LRRC4C: variants seen among roughly 807,000 people sequenced by gnomAD.
LRRC4C encodes leucine-rich repeat-containing protein 4C.
Under a neutral mutation model 33.6 loss-of-function variants are expected in LRRC4C, and 5 were observed. That is an observed-to-expected ratio of 0.15 (90% confidence interval 0.08 to 0.31). LRRC4C has a LOEUF of 0.31. Ranked by LOEUF, LRRC4C falls within the 10% of genes least tolerant of loss-of-function variation. LRRC4C has a pLI of 1.00. For synonymous variants in LRRC4C, 329 were observed against 302.0 expected (o/e 1.09, Z -0.93); for missense variants, 560 against 796.7 (o/e 0.70, Z 3.58).
At chr11:41,379,468 T>A (rs1953062037) in intron 1 of LRRC4C, among the ~76,000 whole-genome samples, 1 of 152,144 alleles carries the variant, frequency 6.6e-6, no homozygotes, top group African/African-American at 2.4e-5. Flanking sequence ...AGCAGTGAAG[T>A]TGACTGATTG....
chr11:41,413,216 A>C (rs1414033577), intron 1 of LRRC4C, among the ~76,000 whole-genome samples: 1 of 152,104 alleles, frequency 6.6e-6, no homozygotes, highest in Non-Finnish European at 1.5e-5. Context: ...ACATTCTCAA[A>C]AGATTTTTTC....
chr11:40,777,379 A>T (rs142410719), intron 2 of LRRC4C, among the ~76,000 whole-genome samples: 185 of 152,098 alleles, frequency 1.2e-3, no homozygotes, highest in Middle Eastern at 6.8e-3. Flanking sequence ...AACTAGAAAT[A>T]CTTGTTTTAT....
intron 5 of LRRC4C, among the ~76,000 whole-genome samples, chr11:40,170,633 A>C (rs1283030947): frequency 6.6e-6 from 1 of 152,234 alleles, no homozygotes; most frequent in African/African-American, 2.4e-5. Flanking sequence ...TGTCTTGCTC[A>C]AATCTTGAGA....
intron 3 of LRRC4C, among the ~76,000 whole-genome samples, chr11:40,400,619 C>T (rs1290532117): frequency 1.3e-5 from 2 of 152,094 alleles, no homozygotes; most frequent in Non-Finnish European, 2.9e-5. Flanking sequence ...TCTTGCCATT[C>T]TTTCCCCTTA....
At chr11:40,862,484 T>C (rs989875685) in intron 2 of LRRC4C, among the ~76,000 whole-genome samples, 3 of 152,226 alleles carry the variant, frequency 2.0e-5, no homozygotes, top group Non-Finnish European at 2.9e-5. Flanking sequence ...AATCCAAATA[T>C]GCTTCTGTGG....
At chr11:41,099,816 T>C (rs1941052055) in intron 1 of LRRC4C, among the ~76,000 whole-genome samples, 1 of 152,020 alleles carries the variant, frequency 6.6e-6, no homozygotes, top group Non-Finnish European at 1.5e-5. Flanking sequence ...CTATTCTACA[T>C]AGTATTGGAA....
chr11:40,503,582 A>G lies in LRRC4C; in HGVS notation c.-270+144560T>C, dbSNP rs72899041. ...TACCAAAGCTTCAGTCTTTCAATCT[A>G]TTTAAAGCTTCTTAACTCGCTATCA... is the stretch of plus-strand genomic sequence containing the variant. On this transcript the variant is annotated intron_variant, in intron 3 of 6. Transcript: ENST00000528697. 3.6e-3 allele frequency among the ~76,000 whole-genome samples: 543 copies of G among 152,306 alleles called. 2 individuals are homozygous for G. The highest frequency in any genetic ancestry group is 6.0e-3 in the Non-Finnish European group (406 of 68,024).
intron 1 of LRRC4C, among the ~76,000 whole-genome samples, chr11:41,050,873 T>C (rs1399221198): frequency 6.6e-6 from 1 of 152,186 alleles, no homozygotes; most frequent in Admixed American, 6.5e-5. Context: ...TAATGGATTC[T>C]AGAGGTTTTC....
intron 1 of LRRC4C, among the ~76,000 whole-genome samples, chr11:41,443,288 A>C (rs1161765872): frequency 6.6e-6 from 1 of 152,038 alleles, no homozygotes; most frequent in Non-Finnish European, 1.5e-5. Flanking sequence ...CAAGAGGATC[A>C]CTTGAGCTCA....
intron 1 of LRRC4C, among the ~76,000 whole-genome samples, chr11:41,316,276 A>AAC (rs1193470891): frequency 5.3e-5 from 8 of 150,194 alleles, no homozygotes; most frequent in Non-Finnish European, 1.0e-4. Context: ...AAAAAAAAAA[A>AAC]AAACAAAAAA....
intron 1 of LRRC4C, among the ~76,000 whole-genome samples, chr11:41,065,716 G>A (rs961213627): frequency 6.6e-6 from 1 of 152,180 alleles, no homozygotes; most frequent in African/African-American, 2.4e-5. Context: ...CCGGAGGAAA[G>A]AGCAGGTAGC....
rs1424601029 is a variant in LRRC4C, at chr11:40,326,061, C to A, written c.-269-6340G>T. On this transcript the variant is annotated intron_variant, in intron 3 of 6. Transcript: ENST00000528697. ...CTGCTGAAAGGTGGCATTTGGAAAA[C>A]CTAAAAAAAAAAAAAAAAGGTGGAA... 2.7e-3 allele frequency among the ~76,000 whole-genome samples: 371 copies of A among 138,118 alleles called. 3 individuals carry two copies. The highest frequency in any genetic ancestry group is 8.6e-3 in the African/African-American group (317 of 36,920). 90.6% of individuals were successfully genotyped at this position (138,118 alleles called of 152,430 possible).
intron 1 of LRRC4C, among the ~76,000 whole-genome samples, chr11:41,033,729 A>C (rs1856861314): frequency 6.6e-6 from 1 of 152,092 alleles, no homozygotes. Context: ...ACATCTTATC[A>C]ATCACATTAA....
At chr11:40,285,645 G>T (rs939475863) in intron 4 of LRRC4C, among the ~76,000 whole-genome samples, 8 of 152,104 alleles carry the variant, frequency 5.3e-5, no homozygotes, top group African/African-American at 1.7e-4. Flanking sequence ...GGCATACTTG[G>T]AAATGACTGA....
chr11:40,492,425 T>C (rs1383556762), intron 3 of LRRC4C, among the ~76,000 whole-genome samples: 1 of 152,136 alleles, frequency 6.6e-6, no homozygotes, highest in Admixed American at 6.6e-5. Context: ...TTTTAAATAG[T>C]TTTGGAGTAA....
intron 5 of LRRC4C, among the ~76,000 whole-genome samples, chr11:40,165,726 A>G (rs148945313): frequency 2.0e-5 from 3 of 152,298 alleles, no homozygotes; most frequent in Admixed American, 2.0e-4. Flanking sequence ...TGGGTGGATC[A>G]CCTGAGGTCG....
At chr11:40,585,478 T>G (rs1424487289) in intron 3 of LRRC4C, among the ~76,000 whole-genome samples, 2 of 148,138 alleles carry the variant, frequency 1.4e-5, no homozygotes, top group Admixed American at 1.3e-4. Context: ...TGTTATTTCT[T>G]TTTTTTTTTA....
At chr11:40,718,594 G>C (rs1946847919) in intron 2 of LRRC4C, among the ~76,000 whole-genome samples, 1 of 152,126 alleles carries the variant, frequency 6.6e-6, no homozygotes, top group African/African-American at 2.4e-5. Context: ...AAGAGTCTAA[G>C]TAAACTACAA....
At chr11:41,418,176 C>A (rs574270827) in intron 1 of LRRC4C, among the ~76,000 whole-genome samples, 64 of 152,010 alleles carry the variant, frequency 4.2e-4, no homozygotes, top group African/African-American at 1.4e-3. Flanking sequence ...CAAGAATTAT[C>A]AGATTTACAT....
Sources: gnomAD v4.1 joint callset for allele counts (sites outside exome capture counted in the v4.1 genomes callset) on GRCh38, gnomAD v4.1.1 for gene constraint, MANE v1.5 for transcripts, NCBI Gene and HGNC (gene_info 2026-07-23, HGNC 2026-07-21) for gene names.